The following OSBPL10 variants were observed in gnomAD, a reference collection of about 807,000 sequenced individuals.
The protein encoded by OSBPL10 is oxysterol-binding protein-related protein 10.
Under a neutral mutation model 81.7 loss-of-function variants are expected in OSBPL10, and 49 were observed. The observed-to-expected ratio is 0.60, with a 90% CI of 0.48 to 0.76. The LOEUF is 0.76. Among genes scored for constraint, OSBPL10 ranks in the 30% least tolerant of loss-of-function variants. OSBPL10 has a pLI of 0.00. For missense variants in OSBPL10, 923 were observed against 987.8 expected (o/e 0.93, Z 0.88); for synonymous variants, 419 against 383.6 (o/e 1.09, Z -1.08).
chr3:31,964,083 C>T (rs1009448215), intron 1 of OSBPL10, among the ~76,000 whole-genome samples: 4 of 152,170 alleles, frequency 2.6e-5, no homozygotes, highest in African/African-American at 9.7e-5. Context: ...GTGGATGAAC[C>T]TGGGTTGTCT....
intron 1 of OSBPL10, among the ~76,000 whole-genome samples, chr3:31,929,864 C>T (rs999101584): frequency 7.2e-5 from 11 of 151,890 alleles, no homozygotes; most frequent in Middle Eastern, 3.4e-3. Flanking sequence ...CTGGGCATGG[C>T]GACTCATGCC....
At chr3:31,663,945 C>T in intron 11 of OSBPL10, 134 bp downstream of exon 11, 1 of 1,588,744 alleles carries the variant, frequency 6.3e-7, no homozygotes, top group Non-Finnish European at 8.6e-7. Context: ...GGAGTCAGAA[C>T]CGAGCTGCCC....
intron 8 of OSBPL10, among the ~76,000 whole-genome samples, chr3:31,679,932 G>A (rs1324281656): frequency 2.0e-5 from 3 of 152,166 alleles, no homozygotes; most frequent in African/African-American, 7.2e-5. Context: ...TCTTCTCCCT[G>A]CTTTCAATAG....
At chr3:31,826,142 C>G (rs1323385632) in intron 4 of OSBPL10, among the ~76,000 whole-genome samples, 1 of 152,182 alleles carries the variant, frequency 6.6e-6, no homozygotes, top group East Asian at 1.9e-4. Flanking sequence ...TGATTCCCAG[C>G]AGGAAATTTA....
At chr3:31,686,607 C>G (rs901365529) in intron 7 of OSBPL10, among the ~76,000 whole-genome samples, 3 of 152,098 alleles carry the variant, frequency 2.0e-5, no homozygotes, top group Non-Finnish European at 2.9e-5. Flanking sequence ...ATAATACACA[C>G]AAGGAAGAAA....
intron 3 of OSBPL10, among the ~76,000 whole-genome samples, chr3:31,864,059 G>A (rs1400747027): frequency 2.6e-5 from 4 of 152,202 alleles, no homozygotes; most frequent in African/African-American, 9.7e-5. Flanking sequence ...GCCAGATGCA[G>A]AGGATGCAGT....
chr3:31,897,663 A>C (rs1696095527), intron 1 of OSBPL10, among the ~76,000 whole-genome samples: 1 of 152,176 alleles, frequency 6.6e-6, no homozygotes, highest in South Asian at 2.1e-4. Context: ...ACCTTTAGAG[A>C]AACAAACATC....
intron 1 of OSBPL10, among the ~76,000 whole-genome samples, chr3:31,915,308 C>T (rs960741438): frequency 1.3e-5 from 2 of 152,088 alleles, no homozygotes; most frequent in African/African-American, 2.4e-5. Flanking sequence ...CTCTGGTGAC[C>T]TTCAGGTGTT....
intron 7 of OSBPL10, among the ~76,000 whole-genome samples, chr3:31,699,343 A>G (rs1695824859): frequency 6.6e-6 from 1 of 152,100 alleles, no homozygotes; most frequent in South Asian, 2.1e-4. Flanking sequence ...GGAGCCACTC[A>G]CCAGCATGCA....
At chr3:31,984,699 C>T (rs1698909204), upstream of OSBPL10, among the ~76,000 whole-genome samples, 3 of 152,174 alleles carry the variant, frequency 2.0e-5, no homozygotes, top group African/African-American at 7.2e-5. Flanking sequence ...CTCTCTTAAG[C>T]CTGTGGCCTT....
At chr3:31,866,011 T>C (rs1170955562) in intron 3 of OSBPL10, among the ~76,000 whole-genome samples, 2 of 152,170 alleles carry the variant, frequency 1.3e-5, no homozygotes. Flanking sequence ...TGGGTTAATC[T>C]TGCTTCCCGT....
chr3:31,736,935 C>T (rs887211127), intron 5 of OSBPL10, among the ~76,000 whole-genome samples: 7 of 152,188 alleles, frequency 4.6e-5, no homozygotes, highest in African/African-American at 1.7e-4. Flanking sequence ...GATCTACTTG[C>T]CTAGGCAATC....
At chr3:31,776,302 G>A (rs936593630) in intron 4 of OSBPL10, among the ~76,000 whole-genome samples, 16 of 152,102 alleles carry the variant, frequency 1.1e-4, no homozygotes, top group African/African-American at 3.9e-4. Context: ...CATTAAAAAA[G>A]GAGAAAATTT....
At chr3:31,952,569 A>C (rs1244165677) in intron 1 of OSBPL10, among the ~76,000 whole-genome samples, 1 of 152,160 alleles carries the variant, frequency 6.6e-6, no homozygotes, top group Non-Finnish European at 1.5e-5. Flanking sequence ...ATGGGGAGCA[A>C]TGAGAAGGAA....
At chr3:31,943,329 T>C (rs1408838179) in intron 1 of OSBPL10, among the ~76,000 whole-genome samples, 1 of 152,220 alleles carries the variant, frequency 6.6e-6, no homozygotes, top group Non-Finnish European at 1.5e-5. Context: ...GCCATACAAG[T>C]ATCTATTTGA....
intron 1 of OSBPL10, among the ~76,000 whole-genome samples, chr3:31,945,736 G>T (rs536971079): frequency 9.2e-5 from 14 of 152,234 alleles, no homozygotes; most frequent in African/African-American, 3.4e-4. Flanking sequence ...TTGACCAGAG[G>T]GGTTTATACT....
chr3:31,819,308 G>C (rs879171344), intron 4 of OSBPL10, among the ~76,000 whole-genome samples: 2 of 152,198 alleles, frequency 1.3e-5, no homozygotes, highest in East Asian at 1.9e-4. Flanking sequence ...GGGAATCTCT[G>C]ATCATTTGCC....
intron 1 of OSBPL10, among the ~76,000 whole-genome samples, chr3:31,942,227 A>G (rs1697552652): frequency 6.6e-6 from 1 of 152,014 alleles, no homozygotes; most frequent in South Asian, 2.1e-4. Flanking sequence ...GTGAGCCGAG[A>G]TGGCGCCACA....
chr3:31,907,619 C>CCAAAAA (rs1308181377), intron 1 of OSBPL10, among the ~76,000 whole-genome samples: 1 of 63,862 alleles, frequency 1.6e-5, no homozygotes, highest in Non-Finnish European at 2.6e-5. Context: ...ACCTCCATCT[C>CCAAAAA]AAAAAAAAAA....
Sources: gnomAD v4.1 joint callset for allele counts (sites outside exome capture counted in the v4.1 genomes callset) on GRCh38, gnomAD v4.1.1 for gene constraint, MANE v1.5 for transcripts, NCBI Gene and HGNC (gene_info 2026-07-23, HGNC 2026-07-21) for gene names.